CASP8: variants seen among roughly 807,000 people sequenced by gnomAD.
The protein encoded by CASP8 is caspase-8.
A neutral mutation model predicts 46.3 loss-of-function variants in CASP8; 24 were observed. That is an observed-to-expected ratio of 0.52 (90% CI 0.38 to 0.73). The LOEUF is 0.73. Among genes scored for constraint, CASP8 ranks in the 30% least tolerant of loss-of-function variants. CASP8 has a pLI of 0.00. For missense variants in CASP8, 460 were observed against 559.0 expected (o/e 0.82, Z 1.79); for synonymous variants, 188 against 200.4 (o/e 0.94, Z 0.52).
chr2:201,268,732 T>A (rs1559352921), intron 2 of CASP8, among the ~76,000 whole-genome samples: 1 of 152,190 alleles, frequency 6.6e-6, no homozygotes, highest in Non-Finnish European at 1.5e-5. Context: ...CGAGGAATAA[T>A]CTTTTTCATG....
intron 2 of CASP8, among the ~76,000 whole-genome samples, chr2:201,254,710 C>G (rs557491107): frequency 6.6e-6 from 1 of 152,328 alleles, no homozygotes; most frequent in African/African-American, 2.4e-5. Flanking sequence ...GGGACACTTA[C>G]AGGTCCAAAT....
At chr2:201,268,580 T>C (rs1395395324) in intron 2 of CASP8, among the ~76,000 whole-genome samples, 2 of 151,046 alleles carry the variant, frequency 1.3e-5, no homozygotes, top group Non-Finnish European at 3.0e-5. Context: ...ATATTCTGGG[T>C]ATATAAGTTT....
rs1224194251 is a variant in CASP8 at position 201,287,489 on chromosome 2, A to G, written c.*895A>G. The G allele has an allele frequency of 6.5e-6, 1 of 154,672 alleles. No individual in the cohort carries two copies. The highest frequency in any genetic ancestry group is 1.5e-5 in the Non-Finnish European group (1 of 68,210). 9.6% of individuals were successfully genotyped at this position (154,672 alleles called of 1,614,324 possible). A position where few individuals can be genotyped will look rare whatever the true frequency, so the allele number is the denominator to read the frequency against. On this transcript the variant is annotated 3_prime_UTR_variant, in exon 9 of 9. Coordinates refer to ENST00000673742, the MANE Select transcript of CASP8 (RefSeq NM_001372051.1). ...ACAAGTTTTAAATAAGCTCTCCCCAAACTTGCTTTATGCCTTCTTATTGCT... is the reference window on the plus strand; with the variant it reads ...ACAAGTTTTAAATAAGCTCTCCCCAGACTTGCTTTATGCCTTCTTATTGCT...
upstream of CASP8, among the ~76,000 whole-genome samples, chr2:201,256,548 T>C (rs1235850496): frequency 6.6e-6 from 1 of 152,246 alleles, no homozygotes; most frequent in East Asian, 1.9e-4. Context: ...ACTATTAGTT[T>C]AAATTTGTTG....
At chr2:201,254,070 A>G (rs1474430898) in intron 2 of CASP8, among the ~76,000 whole-genome samples, 1 of 138,316 alleles carries the variant, frequency 7.2e-6, no homozygotes, top group African/African-American at 2.8e-5. Context: ...AACAAGAGCA[A>G]AACTCCATCT....
At chr2:201,257,393 A>G (rs1376884388), upstream of CASP8, among the ~76,000 whole-genome samples, 1 of 151,648 alleles carries the variant, frequency 6.6e-6, no homozygotes, top group Non-Finnish European at 1.5e-5. Flanking sequence ...GAGGCAGGAG[A>G]ATCACCTGAA....
chr2:201,249,759 A>C (rs1946695930), intron 2 of CASP8, among the ~76,000 whole-genome samples: 1 of 152,136 alleles, frequency 6.6e-6, no homozygotes, highest in South Asian at 2.1e-4. Context: ...GAAAGTAGAG[A>C]GTTCCCATAT....
At chr2:201,243,256 A>T (rs1946377362) in intron 2 of CASP8, among the ~76,000 whole-genome samples, 1 of 152,238 alleles carries the variant, frequency 6.6e-6, no homozygotes, top group South Asian at 2.1e-4. Context: ...AATATAATTG[A>T]TAAAGCAATA....
At chr2:201,258,179 T>C, upstream of CASP8, 1 of 1,591,348 alleles carries the variant, frequency 6.3e-7, no homozygotes. Context: ...ATCTTTTGTG[T>C]TTTTTTTCAA....
intron 7 of CASP8, chr2:201,281,991 T>C (rs1347691115): frequency 9.6e-5 from 17 of 177,420 alleles, no homozygotes; most frequent in Admixed American, 8.1e-4. Flanking sequence ...CAGAGGGGGA[T>C]TTGGCAGGGT....
rs918195218 is a variant in CASP8, at chr2:201,272,370, G to A, written c.412-268G>A. On this transcript the variant is annotated intron_variant, in intron 3 of 8. Transcript: ENST00000673742. This position sits in a 1 kb window ranked among gnomAD's most constrained non-coding sequence, Gnocchi z 4.4. Reference sequence around the variant, plus strand: ...TTCACAGTCCCCAAGTAATGCATTCGCAGGAGATTTGAGCACAGGGCCTGG... The same window carrying A: ...TTCACAGTCCCCAAGTAATGCATTCACAGGAGATTTGAGCACAGGGCCTGG... Among the ~76,000 whole-genome samples, 2 of 152,024 alleles carry A rather than the reference G, an allele frequency of 1.3e-5. No homozygotes were observed. Among genetic ancestry groups the A allele is most frequent in the Non-Finnish European group, 2.9e-5 (2 of 68,006 alleles).
Position 201,267,823 on chromosome 2 carries a change from C to A in CASP8, c.305+1032C>A, listed in dbSNP as rs1418502346. On this transcript the variant is annotated intron_variant, in intron 2 of 8. Coordinates refer to ENST00000673742, the MANE Select transcript of CASP8 (RefSeq NM_001372051.1). ...CATGTGAGATGGAAAGGGTTCACAACCAGGGCTGACAGCTGCTGTCCTCTG... is the reference window on the plus strand; with the variant it reads ...CATGTGAGATGGAAAGGGTTCACAAACAGGGCTGACAGCTGCTGTCCTCTG... 1.4e-4 allele frequency among the ~76,000 whole-genome samples: 22 copies of A among 152,238 alleles called. 1 individual carries two copies. The highest frequency in any genetic ancestry group is 1.4e-3 in the Admixed American group (21 of 15,288).
intron 2 of CASP8, among the ~76,000 whole-genome samples, chr2:201,234,757 C>G (rs1945976699): frequency 6.6e-6 from 1 of 152,058 alleles, no homozygotes; most frequent in Non-Finnish European, 1.5e-5. Flanking sequence ...CTGCACCCGG[C>G]TGATTTCACA....
chr2:201,266,371 A>G lies in CASP8; in HGVS notation c.-26-90A>G, dbSNP rs1947828206. On this transcript the variant is annotated intron_variant, in intron 1 of 8. Transcript: ENST00000673742. This position sits in a 1 kb window ranked among gnomAD's most constrained non-coding sequence, Gnocchi z 5.7. ...CTCCTGTGCTGACAGCACAATGACC[A>G]GTACCTAGTAGTTGCAGTAGCCTTT... 3.2e-6 allele frequency: 3 copies of G among 928,786 alleles called. No individual in the cohort carries two copies. Among genetic ancestry groups the G allele is most frequent in the Non-Finnish European group, 5.2e-6 (3 of 573,568 alleles). 57.5% of individuals were successfully genotyped at this position (928,786 alleles called of 1,614,324 possible).
At chr2:201,239,387 G>A (rs1043332124) in intron 2 of CASP8, among the ~76,000 whole-genome samples, 2 of 152,144 alleles carry the variant, frequency 1.3e-5, no homozygotes, top group Non-Finnish European at 2.9e-5. Context: ...GCGGCTGGCC[G>A]GGCGGGGGGC....
chr2:201,272,710 A>C lies in CASP8; in HGVS notation c.484A>C (p.Arg162=). Residue 162 remains arginine (R), a synonymous_variant, in exon 4 of 9, where the codon AGA becomes CGA. Coordinates refer to ENST00000673742, the MANE Select transcript of CASP8 (RefSeq NM_001372051.1). The surrounding 1 kb of genome is among the most constrained non-coding windows in gnomAD (Gnocchi z 4.4). Reference sequence around the variant, plus strand: ...AGAAGGAAAGTTGGACATCCTGAAAAGAGTCTGTGCCCAAATCAACAAGAG... The same window carrying C: ...AGAAGGAAAGTTGGACATCCTGAAACGAGTCTGTGCCCAAATCAACAAGAG... ...LGEGKLDILK[R]VCAQINKSLL... The C allele has an allele frequency of 1.9e-6, 3 of 1,614,188 alleles. No individual in the cohort carries two copies. The highest frequency in any genetic ancestry group is 2.5e-6 in the Non-Finnish European group (3 of 1,180,004).
intron 2 of CASP8, among the ~76,000 whole-genome samples, chr2:201,247,863 C>G (rs1470458934): frequency 1.3e-5 from 2 of 152,186 alleles, no homozygotes; most frequent in Non-Finnish European, 2.9e-5. Context: ...CCAGGATAGT[C>G]TCGATCTCCT....
chr2:201,283,865 GCTC>G (rs1414458187), intron 7 of CASP8, among the ~76,000 whole-genome samples: 1 of 43,862 alleles, frequency 2.3e-5, no homozygotes, highest in African/African-American at 7.3e-5. Flanking sequence ...GGGCGGAGAC[GCTC>G]CTCACTTCCC....
chr2:201,241,885 G>A (rs1946314435), intron 2 of CASP8: 1 of 152,148 alleles, frequency 6.6e-6, no homozygotes, highest in Admixed American at 6.6e-5. Flanking sequence ...TAGGATACAA[G>A]TATGGATCAA....
Sources: allele counts gnomAD v4.1 joint callset (sites outside exome capture counted in the v4.1 genomes callset), GRCh38; gene constraint gnomAD v4.1.1; non-coding constraint Gnocchi (gnomAD v3.1); transcripts MANE v1.5; gene names NCBI Gene and HGNC (gene_info 2026-07-23, HGNC 2026-07-21).